Variants in TMX2 observed in about 807,000 individuals in gnomAD.
The protein encoded by TMX2 is thioredoxin related transmembrane protein 2, also known as thioredoxin-related transmembrane protein 2.
A neutral mutation model predicts 33.4 loss-of-function variants in TMX2; 20 were observed. The observed-to-expected ratio is 0.60, with a 90% CI of 0.42 to 0.87. TMX2 has a LOEUF of 0.87. Among genes scored for constraint, TMX2 ranks in the 40% least tolerant of loss-of-function variants. TMX2 has a pLI of 0.00. For synonymous variants in TMX2, 166 were observed against 140.7 expected (o/e 1.18, Z -1.27); for missense variants, 340 against 370.7 (o/e 0.92, Z 0.68).
Position 57,734,047 on chromosome 11 carries a change from C to T in TMX2, c.190-3561C>T, listed in dbSNP as rs1333009712. Among the ~76,000 whole-genome samples, 25 of 151,154 alleles carry T rather than the reference C, an allele frequency of 1.7e-4. 1 individual carries two copies. The highest frequency in any genetic ancestry group is 1.7e-3 in the Admixed American group (25 of 15,118). ...ATTAGCTGGGTGTGGTGGCGGGTGC[C>T]TGTAGTCCCAGCTACTCGGGAAGCT... On this transcript the variant is annotated intron_variant, in intron 1 of 7. Transcript: ENST00000278422.
intron 1 of TMX2, among the ~76,000 whole-genome samples, chr11:57,731,507 A>AAT (rs1460640162): frequency 4.0e-5 from 6 of 150,184 alleles, no homozygotes; most frequent in African/African-American, 1.5e-4. Context: ...GCTTCCCTAA[A>AAT]ATATATAAAA....
At position 57,730,426 on chromosome 11, in the gene TMX2, TAAAAAAAAAA is replaced by T. The variant is rs61228178; in HGVS notation, c.190-7163_190-7154del. 5.5e-4 allele frequency among the ~76,000 whole-genome samples: 13 copies of T among 23,600 alleles called. 1 individual carries two copies. The highest frequency in any genetic ancestry group is 0.033 in the Middle Eastern group (1 of 30). The allele number at this position is 23,600 out of a possible 152,430, so 15.5% of individuals were successfully genotyped here. A position where few individuals can be genotyped will look rare whatever the true frequency, so the allele number is the denominator to read the frequency against. ...TGGGCAACAAGAGTGAAACTGTCTT[TAAAAAAAAAA>T]AAAAAAAAAAAAAAAAAAGGCCAGG... is the stretch of plus-strand genomic sequence containing the variant. On this transcript the variant is annotated intron_variant, in intron 1 of 7. Transcript: ENST00000278422.
chr11:57,732,020 T>C (rs1162769092), intron 1 of TMX2, among the ~76,000 whole-genome samples: 1 of 152,220 alleles, frequency 6.6e-6, no homozygotes, highest in African/African-American at 2.4e-5. Flanking sequence ...TTGCTACACC[T>C]AAGACTAATC....
intron 1 of TMX2, among the ~76,000 whole-genome samples, chr11:57,731,143 T>G (rs1326511607): frequency 2.8e-5 from 4 of 141,292 alleles, no homozygotes; most frequent in Non-Finnish European, 3.1e-5. Context: ...TTTTTTTTTT[T>G]TTTTTTTTTT....
At chr11:57,724,217 C>G (rs1293454274) in intron 1 of TMX2, among the ~76,000 whole-genome samples, 1 of 152,020 alleles carries the variant, frequency 6.6e-6, no homozygotes, top group Admixed American at 6.6e-5. Flanking sequence ...GATCCAAACG[C>G]AAAGGGGGTT....
chr11:57,731,358 T>C (rs1433057877), intron 1 of TMX2, among the ~76,000 whole-genome samples: 1 of 150,294 alleles, frequency 6.7e-6, no homozygotes, highest in Non-Finnish European at 1.5e-5. Flanking sequence ...GGTCTTGAAC[T>C]CCTGACATCA....
chr11:57,716,298 ACCCCCCCACC>A, intron 1 of TMX2, among the ~76,000 whole-genome samples: 1 of 97,140 alleles, frequency 1.0e-5, no homozygotes, highest in South Asian at 4.1e-4. Flanking sequence ...TGTGGGGCTG[ACCCCCCCACC>A]TCCCTCCCGG....
chr11:57,714,261 A>G (rs1946829631), intron 1 of TMX2, among the ~76,000 whole-genome samples: 1 of 152,238 alleles, frequency 6.6e-6, no homozygotes, highest in Non-Finnish European at 1.5e-5. Context: ...GTCCAGTTCA[A>G]TTAAATTGTT....
intron 1 of TMX2, among the ~76,000 whole-genome samples, chr11:57,716,098 T>C (rs2135456082): frequency 6.6e-6 from 1 of 152,166 alleles, no homozygotes; most frequent in East Asian, 1.9e-4. Context: ...AGCTGTTGGG[T>C]ACACCTCCCA....
intron 1 of TMX2, among the ~76,000 whole-genome samples, chr11:57,716,517 C>G (rs866759010): frequency 2.5e-5 from 1 of 40,766 alleles, no homozygotes; most frequent in Admixed American, 2.3e-4. Context: ...TAGGGGCGGC[C>G]GGGCAGAGGC....
chr11:57,738,846 T>C (rs1422441876), intron 5 of TMX2, 76 bp downstream of exon 5: 25 of 1,557,206 alleles, frequency 1.6e-5, no homozygotes, highest in Non-Finnish European at 2.2e-5. Flanking sequence ...GCTTTTCTTT[T>C]TCTTTTGGCC....
chr11:57,736,281 G>A (rs1464514772), intron 1 of TMX2, among the ~76,000 whole-genome samples: 2 of 151,534 alleles, frequency 1.3e-5, no homozygotes, highest in East Asian at 3.9e-4. Flanking sequence ...GGGCCACATT[G>A]GAAGAATTGT....
intron 1 of TMX2, chr11:57,718,660 T>C: frequency 6.2e-6 from 2 of 322,488 alleles, no homozygotes; most frequent in Non-Finnish European, 1.2e-5. Context: ...CCTCTTTTTT[T>C]TTTTTTTTTT....
intron 5 of TMX2, 69 bp from the exon 6 acceptor site, chr11:57,738,905 A>G (rs1590979063): frequency 1.3e-6 from 2 of 1,563,082 alleles, no homozygotes; most frequent in East Asian, 4.5e-5. Context: ...CCCCTCTTAA[A>G]TATCTATACT....
At chr11:57,717,061 G>C (rs1947157587) in intron 1 of TMX2, among the ~76,000 whole-genome samples, 1 of 149,030 alleles carries the variant, frequency 6.7e-6, no homozygotes, top group African/African-American at 2.6e-5. Context: ...TCACATCCCG[G>C]ACGGGGCGGC....
rs552684929 is a variant in TMX2, at chr11:57,740,773, A to T, written c.*528A>T. 1 of 152,974 alleles carries T rather than the reference A, an allele frequency of 6.5e-6. No individual in the cohort carries two copies. The highest frequency in any genetic ancestry group is 2.1e-4 in the South Asian group (1 of 4,866). The allele number at this position is 152,974 out of a possible 1,614,324, so 9.5% of individuals were successfully genotyped here. A position where few individuals can be genotyped will look rare whatever the true frequency, so the allele number is the denominator to read the frequency against. ...TAGTCCTAAGGAGAAACCTTTAACC[A>T]CAAAGTTTTTATCATTGAAGACAAT... On this transcript the variant is annotated 3_prime_UTR_variant, in exon 8 of 8. Coordinates refer to ENST00000278422, the MANE Select transcript of TMX2 (RefSeq NM_015959.4).
chr11:57,722,067 T>C (rs978515961), intron 1 of TMX2, among the ~76,000 whole-genome samples: 2 of 152,132 alleles, frequency 1.3e-5, no homozygotes, highest in Non-Finnish European at 2.9e-5. Flanking sequence ...ATGGTCGCAG[T>C]TCACTACAGC....
At position 57,712,599 on chromosome 11, in the gene TMX2, T is replaced by G. The variant is rs1206177822; in HGVS notation, c.-20T>G. The stretch of plus-strand genomic sequence containing the variant: ...CGAGACCTACGACGCCGGCGAGCAG[T>G]GGCCGTTACGGCCGAAAAGATGGCG... On this transcript the variant is annotated 5_prime_UTR_variant, in exon 1 of 8. Transcript: ENST00000278422. The G allele has an allele frequency of 6.3e-7, 1 of 1,591,498 alleles. No individual in the cohort carries two copies. Among genetic ancestry groups the G allele is most frequent in the East Asian group, 2.2e-5 (1 of 44,484 alleles).
intron 1 of TMX2, among the ~76,000 whole-genome samples, chr11:57,729,069 A>G (rs1323619265): frequency 6.6e-6 from 1 of 151,566 alleles, no homozygotes; most frequent in Non-Finnish European, 1.5e-5. Flanking sequence ...TCAATCCACC[A>G]CACATCAATC....
Sources: gnomAD v4.1 joint callset for allele counts (sites outside exome capture counted in the v4.1 genomes callset) on GRCh38, gnomAD v4.1.1 for gene constraint, MANE v1.5 for transcripts, NCBI Gene and HGNC (gene_info 2026-07-23, HGNC 2026-07-21) for gene names.